The following FAM167A variants were observed in gnomAD, a reference collection of about 807,000 sequenced individuals.
FAM167A encodes family with sequence similarity 167 member A.
In FAM167A, 23 loss-of-function variants were observed where a neutral mutation model predicts 14.9. The observed-to-expected ratio is 1.55, with a 90% CI of 1.11 to 2.19. The LOEUF is 2.19. Among genes scored for constraint, FAM167A ranks in the 30% most tolerant of loss-of-function variants. The pLI is 0.00. For missense variants in FAM167A, 401 were observed against 281.5 expected, an observed-to-expected ratio of 1.42 and a Z score of -3.04; for synonymous variants, 174 against 117.7, an observed-to-expected ratio of 1.48 and a Z score of -3.10.
At chr8:11,461,307 T>TG (rs1301449484) in intron 1 of FAM167A, among the ~76,000 whole-genome samples, 4 of 152,152 alleles carry the variant, frequency 2.6e-5, no homozygotes, top group African/African-American at 7.2e-5. Flanking sequence ...AAAGTAGCCA[T>TG]GGGAAAAAAA....
chr8:11,439,568 TTCTC>T lies in FAM167A; in HGVS notation c.381+4459_381+4462del, dbSNP rs111387845. 1.9e-3 allele frequency among the ~76,000 whole-genome samples: 143 copies of T among 76,770 alleles called. 1 individual carries two copies. Among genetic ancestry groups the T allele is most frequent in the African/African-American group, 4.0e-3 (128 of 32,070 alleles). The allele number at this position is 76,770 out of a possible 152,430, so 50.4% of individuals were successfully genotyped here. A position where few individuals can be genotyped will look rare whatever the true frequency, so the allele number is the denominator to read the frequency against. ...GTGATGAAAACTTGTCAAGGTTCTC[TTCTC>T]TCTCTCTAACAGCCATAAACACCTC... On this transcript the variant is annotated intron_variant, in intron 2 of 2. Coordinates refer to ENST00000284486, the MANE Select transcript of FAM167A (RefSeq NM_053279.3).
intron 2 of FAM167A, among the ~76,000 whole-genome samples, chr8:11,426,950 TGAG>T (rs1158512544): frequency 1.3e-5 from 2 of 152,216 alleles, no homozygotes; most frequent in African/African-American, 4.8e-5. Context: ...GTCCCGCACC[TGAG>T]AAGATCAGAT....
chr8:11,464,304 G>A (rs1366273088), intron 1 of FAM167A, among the ~76,000 whole-genome samples: 2 of 152,196 alleles, frequency 1.3e-5, no homozygotes, highest in Non-Finnish European at 2.9e-5. Context: ...CCAGGGAAAA[G>A]CTGAGACCTG....
intron 2 of FAM167A, among the ~76,000 whole-genome samples, chr8:11,429,873 C>T (rs958090726): frequency 6.6e-6 from 1 of 152,246 alleles, no homozygotes; most frequent in Non-Finnish European, 1.5e-5. Context: ...CTCATCTCTT[C>T]TAAGGACAGT....
intron 1 of FAM167A, among the ~76,000 whole-genome samples, chr8:11,454,300 A>G (rs376623729): frequency 4.6e-5 from 7 of 152,378 alleles, no homozygotes; most frequent in South Asian, 4.1e-4. Flanking sequence ...CACCAAGCCT[A>G]AAACTCCACA....
chr8:11,466,972 C>G (rs1239607997), upstream of FAM167A, among the ~76,000 whole-genome samples: 7 of 152,342 alleles, frequency 4.6e-5, no homozygotes, highest in Non-Finnish European at 1.5e-5. Context: ...TTCGCCAAAC[C>G]CCAGATGAAA....
chr8:11,445,188 G>T, intron 1 of FAM167A: 1 of 985,064 alleles, frequency 1.0e-6, no homozygotes, highest in Non-Finnish European at 1.2e-6. Context: ...AGCTCAGGCT[G>T]TCTGAATCTG....
At chr8:11,434,329 G>C (rs1436074431) in intron 2 of FAM167A, among the ~76,000 whole-genome samples, 1 of 152,172 alleles carries the variant, frequency 6.6e-6, no homozygotes, top group Non-Finnish European at 1.5e-5. Flanking sequence ...TTCTCTTTCA[G>C]GCCCCTGGCC....
At chr8:11,449,984 C>T (rs527867636) in intron 1 of FAM167A, among the ~76,000 whole-genome samples, 1 of 152,358 alleles carries the variant, frequency 6.6e-6, no homozygotes, top group African/African-American at 2.4e-5. Context: ...CCCATCCCCT[C>T]CACACCTCCT....
In FAM167A at chr8:11,444,664, A is replaced by C; in HGVS notation, c.-253T>G. The C allele has an allele frequency of 1.6e-6, 2 of 1,271,402 alleles. No individual in the cohort carries two copies. Among genetic ancestry groups the C allele is most frequent in the Non-Finnish European group, 2.0e-6 (2 of 1,009,246 alleles). The allele number at this position is 1,271,402 out of a possible 1,614,324, so 78.8% of individuals were successfully genotyped here. ...TGGAAGCCTGTGGGTGCCATGCTCC[A>C]CAGAAGGCAGGAACAGACAGCGTCG... is the stretch of plus-strand genomic sequence containing the variant. On this transcript the variant is annotated 5_prime_UTR_variant, in exon 2 of 3. Coordinates refer to ENST00000284486, the MANE Select transcript of FAM167A (RefSeq NM_053279.3).
chr8:11,473,905 C>A (rs1334493857), intron 1 of FAM167A, among the ~76,000 whole-genome samples: 1 of 152,040 alleles, frequency 6.6e-6, no homozygotes, highest in Non-Finnish European at 1.5e-5. Context: ...CAGAGTCTCA[C>A]TCTGTCACCC....
At chr8:11,462,187 C>T (rs1349810150) in intron 1 of FAM167A, among the ~76,000 whole-genome samples, 5 of 152,220 alleles carry the variant, frequency 3.3e-5, no homozygotes, top group South Asian at 4.1e-4. Flanking sequence ...GTTCACACCT[C>T]GCAGAGGAAA....
intron 1 of FAM167A, among the ~76,000 whole-genome samples, chr8:11,455,332 T>C (rs1388581733): frequency 1.5e-5 from 2 of 135,392 alleles, no homozygotes; most frequent in Non-Finnish European, 3.1e-5. Flanking sequence ...TGGGGGGTGG[T>C]TGCCTTGCTG....
chr8:11,456,462 ATG>A (rs1807315030), intron 1 of FAM167A, among the ~76,000 whole-genome samples: 2 of 47,408 alleles, frequency 4.2e-5, no homozygotes, highest in South Asian at 1.4e-3. Context: ...GCCCTGCTGT[ATG>A]TGTGAGTGCT....
At chr8:11,465,546 A>G (rs1447832605) in intron 1 of FAM167A, among the ~76,000 whole-genome samples, 1 of 152,236 alleles carries the variant, frequency 6.6e-6, no homozygotes, top group African/African-American at 2.4e-5. Context: ...CATTCCAAGC[A>G]CAGCCCATGG....
chr8:11,457,400 T>C (rs1382687475), intron 1 of FAM167A, among the ~76,000 whole-genome samples: 3 of 151,866 alleles, frequency 2.0e-5, no homozygotes, highest in Non-Finnish European at 4.4e-5. Flanking sequence ...GCTTCATGCC[T>C]GGTTCTGCTT....
intron 2 of FAM167A, chr8:11,443,597 C>G (rs1205948587): frequency 1.1e-5 from 2 of 179,676 alleles, no homozygotes; most frequent in Middle Eastern, 2.7e-3. Context: ...GGCCAGCGCC[C>G]AGCACAAGAA....
intron 1 of FAM167A, among the ~76,000 whole-genome samples, chr8:11,450,903 C>T (rs752132590): frequency 6.6e-6 from 1 of 152,154 alleles, no homozygotes; most frequent in Non-Finnish European, 1.5e-5. Flanking sequence ...TCTGGGCCTG[C>T]AGTGGGACAA....
intron 1 of FAM167A, among the ~76,000 whole-genome samples, chr8:11,465,263 C>G (rs572128817): frequency 6.6e-6 from 1 of 152,304 alleles, no homozygotes; most frequent in East Asian, 1.9e-4. Context: ...TTCTGCCCCT[C>G]TCTGGGCCTT....
Sources: gnomAD v4.1 joint callset for allele counts (sites outside exome capture counted in the v4.1 genomes callset) on GRCh38, gnomAD v4.1.1 for gene constraint, MANE v1.5 for transcripts, NCBI Gene and HGNC (gene_info 2026-07-23, HGNC 2026-07-21) for gene names.